The following SCFD2 variants were observed in gnomAD, a reference collection of about 807,000 sequenced individuals.
The protein encoded by SCFD2 is sec1 family domain-containing protein 2.
Under a neutral mutation model 58.9 loss-of-function variants are expected in SCFD2, and 54 were observed. That is an observed-to-expected ratio of 0.92 (90% CI 0.74 to 1.15). The LOEUF (loss-of-function observed/expected upper bound fraction) is 1.15, where lower values mean the gene tolerates loss of function less well. SCFD2 is among the 50% of genes most tolerant of loss of function. The pLI is 0.00. For synonymous variants in SCFD2, 321 were observed against 335.9 expected, an observed-to-expected ratio of 0.96 and a Z score of 0.49; for missense variants, 805 against 836.6, an observed-to-expected ratio of 0.96 and a Z score of 0.47.
intron 7 of SCFD2, 43 bp from the exon 8 acceptor site, chr4:52,885,909 T>G (rs758113268): frequency 6.2e-7 from 1 of 1,611,640 alleles, no homozygotes; most frequent in Non-Finnish European, 8.5e-7. Context: ...ATGGCAGTGA[T>G]GCAGGCACAA....
At chr4:53,308,888 T>TC (rs1213670716) in intron 3 of SCFD2, among the ~76,000 whole-genome samples, 1 of 151,996 alleles carries the variant, frequency 6.6e-6, no homozygotes, top group East Asian at 1.9e-4. Flanking sequence ...CCCAACACTT[T>TC]GGAAGGCCGA....
At chr4:53,295,750 T>TC (rs1254330356) in intron 3 of SCFD2, among the ~76,000 whole-genome samples, 2 of 151,922 alleles carry the variant, frequency 1.3e-5, no homozygotes, top group Non-Finnish European at 2.9e-5. Flanking sequence ...TTTTGCCCAT[T>TC]CATTATGATA....
At chr4:53,135,382 T>G (rs1333724876) in intron 5 of SCFD2, among the ~76,000 whole-genome samples, 1 of 152,188 alleles carries the variant, frequency 6.6e-6, no homozygotes, top group African/African-American at 2.4e-5. Flanking sequence ...TTTTTAAAAA[T>G]CCAGATTCCT....
intron 7 of SCFD2, among the ~76,000 whole-genome samples, chr4:52,891,317 T>C (rs549130476): frequency 6.6e-6 from 1 of 152,184 alleles, no homozygotes; most frequent in African/African-American, 2.4e-5. Flanking sequence ...TATGTTTTAG[T>C]GGAGGGAGAG....
intron 5 of SCFD2, among the ~76,000 whole-genome samples, chr4:52,981,675 G>A (rs192049434): frequency 1.3e-5 from 2 of 152,222 alleles, no homozygotes; most frequent in Admixed American, 6.5e-5. Context: ...TCAGGCAGGG[G>A]CAACACCACA....
At chr4:53,248,764 C>A (rs189837403) in intron 4 of SCFD2, among the ~76,000 whole-genome samples, 12 of 152,246 alleles carry the variant, frequency 7.9e-5, no homozygotes, top group Non-Finnish European at 1.0e-4. Context: ...AGAAGGAAAA[C>A]GAACAAACAG....
intron 8 of SCFD2, among the ~76,000 whole-genome samples, chr4:52,874,435 A>G (rs979632991): frequency 2.8e-4 from 43 of 152,228 alleles, no homozygotes; most frequent in Non-Finnish European, 1.0e-4. Flanking sequence ...TTTGACGTCA[A>G]TATCAAGGTT....
intron 4 of SCFD2, among the ~76,000 whole-genome samples, chr4:53,202,473 T>G (rs1449071311): frequency 2.6e-5 from 4 of 151,102 alleles, no homozygotes; most frequent in African/African-American, 4.8e-5. Context: ...GCCTCCAGCT[T>G]TGTTCTTTTG....
At chr4:53,054,998 A>G (rs1723283937) in intron 5 of SCFD2, among the ~76,000 whole-genome samples, 1 of 152,166 alleles carries the variant, frequency 6.6e-6, no homozygotes, top group South Asian at 2.1e-4. Context: ...GGAGAGAAGC[A>G]GCAATAACAA....
intron 5 of SCFD2, among the ~76,000 whole-genome samples, chr4:53,130,282 A>G (rs1725749846): frequency 6.6e-6 from 1 of 152,222 alleles, no homozygotes; most frequent in Non-Finnish European, 1.5e-5. Flanking sequence ...CCATACAATT[A>G]TTGTTAGGCA....
At chr4:53,031,066 G>C (rs1396238379) in intron 5 of SCFD2, among the ~76,000 whole-genome samples, 1 of 152,182 alleles carries the variant, frequency 6.6e-6, no homozygotes, top group African/African-American at 2.4e-5. Context: ...TGCCCCTGTG[G>C]GATGAAGCTT....
intron 3 of SCFD2, among the ~76,000 whole-genome samples, chr4:53,294,451 T>C (rs770822590): frequency 1.3e-5 from 2 of 152,248 alleles, no homozygotes; most frequent in African/African-American, 4.8e-5. Context: ...TTTTGAGAAG[T>C]GTCTGTTCAT....
At chr4:53,357,259 TA>T (rs1259337798) in intron 1 of SCFD2, among the ~76,000 whole-genome samples, 6 of 151,910 alleles carry the variant, frequency 3.9e-5, no homozygotes, top group Admixed American at 1.3e-4. Context: ...CCATCTCTAC[TA>T]AAAAATATAT....
chr4:53,296,429 G>T (rs536990501), intron 3 of SCFD2, among the ~76,000 whole-genome samples: 36 of 152,252 alleles, frequency 2.4e-4, no homozygotes, highest in Middle Eastern at 3.4e-3. Flanking sequence ...TTGCATAGAG[G>T]TGTTTATAGT....
Position 53,365,543 on chromosome 4 carries a change from G to T in SCFD2, c.399C>A (p.Phe133Leu), listed in dbSNP as rs1365050839. Residue 133 changes from phenylalanine to leucine, a missense_variant, in exon 1 of 9, where the codon TTC becomes TTA. Around this residue, in one of 3 missense-constraint regions of SCFD2, gnomAD observed 17 missense variants for 40.1 expected, o/e 0.42. Coordinates refer to ENST00000401642, the MANE Select transcript of SCFD2 (RefSeq NM_152540.4). The surrounding 1 kb of genome is among the most constrained non-coding windows in gnomAD (Gnocchi z 4.3). Reference sequence around the variant, plus strand: ...CACACAGCTTCTCCTCCAGCTGCTCGAACACCGGCTGCTGCCCCTCCATCT... The same window carrying T: ...CACACAGCTTCTCCTCCAGCTGCTCTAACACCGGCTGCTGCCCCTCCATCT... ...AAEMEGQQPV[F>L]EQLEEKLCEW... 6.2e-7 allele frequency: 1 copy of T among 1,614,054 alleles called. No individual in the cohort carries two copies. The highest frequency in any genetic ancestry group is 8.5e-7 in the Non-Finnish European group (1 of 1,180,034).
chr4:53,050,029 G>T (rs543340340), intron 5 of SCFD2, among the ~76,000 whole-genome samples: 27 of 152,230 alleles, frequency 1.8e-4, no homozygotes, highest in African/African-American at 6.3e-4. Flanking sequence ...AAACACAATA[G>T]AAAATATTTT....
chr4:53,230,572 T>G (rs1307818182), intron 4 of SCFD2, among the ~76,000 whole-genome samples: 2 of 123,840 alleles, frequency 1.6e-5, no homozygotes, highest in African/African-American at 6.4e-5. Flanking sequence ...AATTGAACAC[T>G]GAGAACGCAT....
At chr4:53,071,885 T>C (rs1325012556) in intron 5 of SCFD2, among the ~76,000 whole-genome samples, 2 of 152,148 alleles carry the variant, frequency 1.3e-5, no homozygotes, top group Non-Finnish European at 1.5e-5. Flanking sequence ...TTTAATAAAA[T>C]TGTTTCTACT....
intron 5 of SCFD2, among the ~76,000 whole-genome samples, chr4:53,133,701 A>C (rs1725859604): frequency 6.6e-6 from 1 of 152,206 alleles, no homozygotes; most frequent in Non-Finnish European, 1.5e-5. Context: ...TGGAAACTAG[A>C]GCTAAAGACA....
Sources: gnomAD v4.1 joint callset for allele counts (sites outside exome capture counted in the v4.1 genomes callset) on GRCh38, gnomAD v4.1.1 for gene constraint, gnomAD v4.1.1 regional missense constraint, Gnocchi (gnomAD v3.1) non-coding constraint, MANE v1.5 for transcripts, NCBI Gene and HGNC (gene_info 2026-07-23, HGNC 2026-07-21) for gene names.